The following SNX25 variants were observed in gnomAD, a reference collection of about 807,000 sequenced individuals.
SNX25 encodes sorting nexin-25.
In SNX25, 62 loss-of-function variants were observed where a neutral mutation model predicts 113.7. That is an observed-to-expected ratio of 0.55 (90% CI 0.44 to 0.67). SNX25 has a LOEUF of 0.67. SNX25 is among the 30% of genes least tolerant of loss of function. SNX25 has a pLI of 0.00. For synonymous variants in SNX25, 421 were observed against 436.2 expected, an observed-to-expected ratio of 0.97 and a Z score of 0.43; for missense variants, 1,014 against 1,161.0, an observed-to-expected ratio of 0.87 and a Z score of 1.84.
At chr4:185,368,143 A>T (rs1276872586), downstream of SNX25, among the ~76,000 whole-genome samples, 1 of 152,122 alleles carries the variant, frequency 6.6e-6, no homozygotes, top group African/African-American at 2.4e-5. Context: ...GCGCCACTGC[A>T]CTCCAGCCTG....
downstream of SNX25, chr4:185,374,181 A>C: frequency 6.2e-7 from 1 of 1,614,162 alleles, no homozygotes; most frequent in African/African-American, 1.3e-5. Context: ...CAGCCCGAGC[A>C]TACTTTGAGC....
chr4:185,256,789 A>G (rs1055033061), intron 2 of SNX25, among the ~76,000 whole-genome samples: 4 of 151,482 alleles, frequency 2.6e-5, no homozygotes, highest in African/African-American at 9.7e-5. Flanking sequence ...ACACCCGGCT[A>G]ATTTTTGTAT....
intron 15 of SNX25, among the ~76,000 whole-genome samples, chr4:185,356,669 G>A (rs1163613768): frequency 1.3e-5 from 2 of 152,122 alleles, no homozygotes; most frequent in East Asian, 1.9e-4. Flanking sequence ...TTCTATTTGT[G>A]TGGTTGCCCT....
chr4:185,225,149 C>G (rs1241005683), intron 1 of SNX25, among the ~76,000 whole-genome samples: 1 of 139,606 alleles, frequency 7.2e-6, no homozygotes, highest in Non-Finnish European at 1.5e-5. Context: ...GATGGAGTCT[C>G]GCTTTGTTGC....
chr4:185,289,577 C>T (rs1751862928), intron 6 of SNX25, among the ~76,000 whole-genome samples: 1 of 152,178 alleles, frequency 6.6e-6, no homozygotes, highest in Non-Finnish European at 1.5e-5. Flanking sequence ...ACTGGTACTG[C>T]AAGGACTTGG....
Position 185,287,910 on chromosome 4 carries a change from TC to T in SNX25, c.1092-100del, listed in dbSNP as rs1006998251. The T allele has an allele frequency of 5.4e-6, 5 of 920,710 alleles. No individual in the cohort carries two copies. In the Admixed American group the frequency reaches 1.0e-4, roughly 19 times the overall value. 57.0% of individuals were successfully genotyped at this position (920,710 alleles called of 1,614,324 possible). ...TGGAGCCTTGGGCAGGATTCACAGC[TC>T]CTGTGTTACATTTGTTTAGTATAAA... On this transcript the variant is annotated intron_variant, in intron 5 of 18. Transcript: ENST00000652585.
chr4:185,324,219 G>T (rs528099015), intron 9 of SNX25, among the ~76,000 whole-genome samples: 2 of 152,236 alleles, frequency 1.3e-5, no homozygotes, highest in African/African-American at 4.8e-5. Context: ...AGAAGGGATG[G>T]GGAAAAAATG....
intron 2 of SNX25, among the ~76,000 whole-genome samples, chr4:185,249,185 T>G (rs773376612): frequency 6.6e-6 from 1 of 152,218 alleles, no homozygotes; most frequent in African/African-American, 2.4e-5. Flanking sequence ...AGCCATAGGA[T>G]AGTTGTATTT....
At chr4:185,211,218 C>G (rs1737732461) in intron 1 of SNX25, among the ~76,000 whole-genome samples, 1 of 152,226 alleles carries the variant, frequency 6.6e-6, no homozygotes, top group Admixed American at 6.5e-5. Context: ...AAGCACCACA[C>G]TTCACCAAAC....
chr4:185,296,727 AAACTT>A (rs1273298604), intron 6 of SNX25, among the ~76,000 whole-genome samples: 2 of 152,206 alleles, frequency 1.3e-5, no homozygotes, highest in African/African-American at 4.8e-5. Flanking sequence ...CTTTTACAGA[AAACTT>A]AACAAGTACG....
Position 185,245,359 on chromosome 4 carries a change from CCAGA to C in SNX25, c.430-1930_430-1927del, listed in dbSNP as rs1347473155. On this transcript the variant is annotated intron_variant, in intron 1 of 18. Transcript: ENST00000652585. ...CCAAGCAGTATCTTTTTTTTTTCTC[CCAGA>C]CAGAGTCTTGCTCTCTCAGGCTGGA... Among the ~76,000 whole-genome samples the C allele has an allele frequency of 2.2e-4, 34 of 151,368 alleles. No homozygotes were observed. The East Asian group carries it at 5.0e-3, about 22-fold the overall frequency.
intron 18 of SNX25, among the ~76,000 whole-genome samples, chr4:185,362,967 C>T (rs766431534): frequency 3.3e-5 from 5 of 151,864 alleles, no homozygotes; most frequent in Non-Finnish European, 7.4e-5. Flanking sequence ...CTCAGCCTCC[C>T]GAGTAGCTGG....
the SNX25 span, chr4:185,376,770 T>TTAAAGCCACAGCCATAGTCGATG: frequency 1.6e-6 from 1 of 624,484 alleles, no homozygotes; most frequent in Non-Finnish European, 2.8e-6. Flanking sequence ...TATCCTACTG[T>TTAAAGCCACAGCCATAGTCGATG]TAAAGCCACA....
chr4:185,291,519 T>A (rs1752167704), intron 6 of SNX25, among the ~76,000 whole-genome samples: 1 of 152,066 alleles, frequency 6.6e-6, no homozygotes, highest in South Asian at 2.1e-4. Context: ...CCACAAACTG[T>A]CTGGCACAAA....
chr4:185,214,573 T>C (rs1738467489), intron 1 of SNX25, among the ~76,000 whole-genome samples: 1 of 151,926 alleles, frequency 6.6e-6, no homozygotes, highest in African/African-American at 2.4e-5. Context: ...ACCCTGTACC[T>C]TAAAAAAATA....
intron 6 of SNX25, among the ~76,000 whole-genome samples, chr4:185,300,015 GTAAT>G (rs1430505369): frequency 6.6e-6 from 1 of 152,166 alleles, no homozygotes; most frequent in African/African-American, 2.4e-5. Context: ...TTACCCAAGT[GTAAT>G]TAGAGTTTTT....
intron 6 of SNX25, among the ~76,000 whole-genome samples, chr4:185,309,812 AT>A (rs1221211682): frequency 6.6e-6 from 1 of 152,204 alleles, no homozygotes; most frequent in Non-Finnish European, 1.5e-5. Flanking sequence ...ATCATGAAAG[AT>A]ACAAATACAT....
chr4:185,273,020 C>T (rs540270317), intron 5 of SNX25, among the ~76,000 whole-genome samples: 1 of 152,224 alleles, frequency 6.6e-6, no homozygotes, highest in South Asian at 2.1e-4. Context: ...TCTGCTGTAC[C>T]CTTACAGTTG....
chr4:185,220,111 T>A (rs1036227137), intron 1 of SNX25, among the ~76,000 whole-genome samples: 2 of 152,112 alleles, frequency 1.3e-5, no homozygotes, highest in Non-Finnish European at 2.9e-5. Context: ...TATTGAGGAC[T>A]TAAGAGATTT....
Sources: gnomAD v4.1 joint callset for allele counts (sites outside exome capture counted in the v4.1 genomes callset) on GRCh38, gnomAD v4.1.1 for gene constraint, MANE v1.5 for transcripts, NCBI Gene and HGNC (gene_info 2026-07-23, HGNC 2026-07-21) for gene names.